Variants in RERE observed in about 807,000 individuals in gnomAD.
RERE encodes arginine-glutamic acid dipeptide repeats.
RERE carries 40 observed loss-of-function variants against 146.1 expected under a neutral mutation model. The ratio of observed to expected loss-of-function variants is 0.27; its 90% CI spans 0.21 to 0.36. The LOEUF is 0.36. Ranked by LOEUF, RERE falls within the 10% of genes least tolerant of loss-of-function variation. RERE has a pLI of 1.00. For synonymous variants in RERE, 1,003 were observed against 866.0 expected (o/e 1.16, Z -2.78); for missense variants, 1,933 against 2,138.7 (o/e 0.90, Z 1.90).
Position 8,352,875 on chromosome 1 carries a change from C to T in RERE, c.*2212G>A, listed in dbSNP as rs8627. 0.46 allele frequency: 69,569 copies of T among 152,438 alleles called. 16,886 individuals are homozygous for T. The highest frequency in any genetic ancestry group is 0.85 in the East Asian group (4,392 of 5,182). 9.4% of individuals were successfully genotyped at this position (152,438 alleles called of 1,614,324 possible). ...AGCTAACAAGAATGCCTTCGGACGG[C>T]TTTCAAGCACAGACCTCAGAGGACT... On this transcript the variant is annotated 3_prime_UTR_variant, in exon 23 of 23. Coordinates refer to ENST00000400908, the MANE Select transcript of RERE (RefSeq NM_001042681.2).
rs1484785030 is a variant in RERE at position 8,360,248 on chromosome 1, G to C, written c.3259C>G (p.Pro1087Ala). The C allele has an allele frequency of 1.3e-6, 2 of 1,579,280 alleles. No homozygotes were observed. The highest frequency in any genetic ancestry group is 1.7e-6 in the Non-Finnish European group (2 of 1,163,852). Residue 1087 changes from proline to alanine, a missense_variant, in exon 18 of 23, where the codon CCA (proline) becomes GCA (alanine). Physicochemically the swap from Pro to Ala is conservative, Grantham distance 27 (BLOSUM62 -1). Around this residue, in one of 11 missense-constraint regions of RERE, gnomAD observed 1,255 missense variants for 1,153.8 expected, o/e 1.09. Transcript: ENST00000400908. ...TCCTTGATCTGGACGGTGGGGAGTG[G>C]GCAGGACGACCCCCCCGCTATGCTG... ...GGSIAGGSSC[P>A]LPTVQIKEEA...
chr1:8,654,635 T>G (rs942574393), intron 2 of RERE, among the ~76,000 whole-genome samples: 3 of 144,874 alleles, frequency 2.1e-5, no homozygotes, highest in African/African-American at 5.0e-5. Context: ...GTTTTGTTTT[T>G]TTTTGTTTTT....
intron 10 of RERE, among the ~76,000 whole-genome samples, chr1:8,472,156 T>C (rs918542960): frequency 1.3e-5 from 2 of 152,212 alleles, no homozygotes; most frequent in Non-Finnish European, 2.9e-5. Flanking sequence ...AATAAAGAGC[T>C]AAACTGGATA....
intron 1 of RERE, among the ~76,000 whole-genome samples, chr1:8,706,995 CATT>C (rs1639572447): frequency 6.6e-6 from 1 of 152,184 alleles, no homozygotes. Flanking sequence ...AATTAATACT[CATT>C]ATGACTGTCA....
At chr1:8,458,924 A>G (rs970813906) in intron 11 of RERE, among the ~76,000 whole-genome samples, 4 of 152,178 alleles carry the variant, frequency 2.6e-5, no homozygotes, top group African/African-American at 9.7e-5. Context: ...TGCTTGTCCT[A>G]TTTCATTTAC....
At position 8,361,087 on chromosome 1, in the gene RERE, T is replaced by A; in HGVS notation, c.2420A>T (p.His807Leu). ...ATGCGGTGAGGGCGGCCGCTGGGGG[T>A]GCAAGGCCGGTGCCTGTTGGATGTG... Reference protein sequence around the residue: ...HTHIQQAPALHPQRPPSPHPP... With the variant: ...HTHIQQAPALLPQRPPSPHPP... The change falls in exon 18 of 23, where the codon CAC (histidine) becomes CTC (leucine). Residue 807 changes from histidine (H) to leucine (L), a missense_variant. His to Leu is a moderately conservative substitution (Grantham distance 99). Around this residue, in one of 11 missense-constraint regions of RERE, gnomAD observed 1,255 missense variants for 1,153.8 expected, o/e 1.09. Transcript: ENST00000400908. The A allele has an allele frequency of 7.0e-7, 1 of 1,435,904 alleles. No homozygotes were observed. Among genetic ancestry groups the A allele is most frequent in the Non-Finnish European group, 9.1e-7 (1 of 1,099,850 alleles). 88.9% of individuals were successfully genotyped at this position (1,435,904 alleles called of 1,614,324 possible). A position where few individuals can be genotyped will look rare whatever the true frequency, so the allele number is the denominator to read the frequency against.
chr1:8,595,262 C>A (rs1316568798), intron 4 of RERE, among the ~76,000 whole-genome samples: 1 of 150,940 alleles, frequency 6.6e-6, no homozygotes, highest in African/African-American at 2.4e-5. Context: ...GGGTATCAAC[C>A]ATTTTATTTC....
chr1:8,401,748 C>G (rs1286951029), intron 12 of RERE, among the ~76,000 whole-genome samples: 1 of 151,418 alleles, frequency 6.6e-6, no homozygotes, highest in African/African-American at 2.4e-5. Flanking sequence ...GACATCTAAA[C>G]CCTATCCAAA....
intron 1 of RERE, among the ~76,000 whole-genome samples, chr1:8,767,419 G>A (rs1303211718): frequency 2.6e-5 from 4 of 152,064 alleles, no homozygotes; most frequent in Non-Finnish European, 5.9e-5. Context: ...TGGGCAACAT[G>A]GTGAAATCTC....
intron 3 of RERE, among the ~76,000 whole-genome samples, chr1:8,621,902 G>C (rs919732473): frequency 6.6e-5 from 10 of 152,174 alleles, no homozygotes; most frequent in Non-Finnish European, 1.5e-5. Context: ...AAATAAGAAA[G>C]TGGAAATAAC....
intron 12 of RERE, among the ~76,000 whole-genome samples, chr1:8,403,703 T>G (rs561727020): frequency 2.2e-4 from 33 of 152,188 alleles, no homozygotes; most frequent in African/African-American, 7.9e-4. Context: ...TTTGATTTAA[T>G]GTGGATCATC....
intron 3 of RERE, among the ~76,000 whole-genome samples, chr1:8,616,064 T>A (rs1202984714): frequency 6.6e-6 from 1 of 152,168 alleles, no homozygotes; most frequent in African/African-American, 2.4e-5. Context: ...AATTGTGCAC[T>A]TGAATGTACA....
intron 4 of RERE, among the ~76,000 whole-genome samples, chr1:8,607,791 TCTC>T (rs1389997871): frequency 1.4e-5 from 2 of 146,716 alleles, no homozygotes; most frequent in African/African-American, 5.1e-5. Flanking sequence ...AGTGGTGTGA[TCTC>T]GGCTCACTGG....
At chr1:8,509,017 T>G (rs1645294529) in intron 7 of RERE, among the ~76,000 whole-genome samples, 1 of 152,116 alleles carries the variant, frequency 6.6e-6, no homozygotes, top group South Asian at 2.1e-4. Context: ...TGGGTTCAAT[T>G]GATTCTCCTG....
chr1:8,810,755 C>CA (rs1225793039), intron 1 of RERE, among the ~76,000 whole-genome samples: 3 of 151,966 alleles, frequency 2.0e-5, no homozygotes, highest in Non-Finnish European at 4.4e-5. Context: ...AAATGAAAAA[C>CA]AAAAACCCTC....
At chr1:8,383,163 CA>C (rs1422327488) in intron 12 of RERE, among the ~76,000 whole-genome samples, 1 of 151,828 alleles carries the variant, frequency 6.6e-6, no homozygotes, top group Non-Finnish European at 1.5e-5. Flanking sequence ...GCCTAGTTCA[CA>C]ATCTGAAAGA....
At chr1:8,401,694 A>C (rs1643267764) in intron 12 of RERE, among the ~76,000 whole-genome samples, 1 of 151,462 alleles carries the variant, frequency 6.6e-6, no homozygotes, top group African/African-American at 2.4e-5. Flanking sequence ...TGGGAGGTCG[A>C]GGCTGCAGTG....
intron 11 of RERE, among the ~76,000 whole-genome samples, chr1:8,452,701 A>G (rs1644403095): frequency 6.6e-6 from 1 of 152,236 alleles, no homozygotes; most frequent in African/African-American, 2.4e-5. Context: ...CCTGCACACA[A>G]GAGTAGGAAT....
intron 1 of RERE, among the ~76,000 whole-genome samples, chr1:8,724,375 T>C (rs1639917662): frequency 6.6e-6 from 1 of 152,162 alleles, no homozygotes; most frequent in South Asian, 2.1e-4. Context: ...CGATTTACAT[T>C]CAAATAAAAC....
Sources: gnomAD v4.1 joint callset for allele counts (sites outside exome capture counted in the v4.1 genomes callset) on GRCh38, gnomAD v4.1.1 for gene constraint, gnomAD v4.1.1 regional missense constraint, MANE v1.5 for transcripts, NCBI Gene and HGNC (gene_info 2026-07-23, HGNC 2026-07-21) for gene names.